Variants in FOXN3 observed in about 807,000 individuals in gnomAD.
The protein encoded by FOXN3 is forkhead box N3.
In FOXN3, 7 loss-of-function variants were observed where a neutral mutation model predicts 38.4. That is an observed-to-expected ratio of 0.18 (90% CI 0.10 to 0.34). FOXN3 has a LOEUF of 0.34. Ranked by LOEUF, FOXN3 falls within the 10% of genes least tolerant of loss-of-function variation. The pLI is 1.00. For synonymous variants in FOXN3, 230 were observed against 242.2 expected, an observed-to-expected ratio of 0.95 and a Z score of 0.47; for missense variants, 456 against 613.4, an observed-to-expected ratio of 0.74 and a Z score of 2.71.
intron 1 of FOXN3, among the ~76,000 whole-genome samples, chr14:89,524,371 C>CAAAAAAAAAAAAAAAAAAAAAAAA (rs1301922423): frequency 3.0e-4 from 2 of 6,570 alleles, no homozygotes; most frequent in Non-Finnish European, 3.6e-4. Context: ...GACTCCATCT[C>CAAAAAAAAAAAAAAAAAAAAAAAA]AAAAAAAAAA....
At chr14:89,591,726 G>A (rs918294205) in intron 1 of FOXN3, among the ~76,000 whole-genome samples, 7 of 152,204 alleles carry the variant, frequency 4.6e-5, no homozygotes, top group South Asian at 4.1e-4. Context: ...GGAGTTCAAC[G>A]CCGGCCTGGG....
intron 4 of FOXN3, among the ~76,000 whole-genome samples, chr14:89,222,458 A>C (rs1329001154): frequency 1.3e-5 from 2 of 152,228 alleles, no homozygotes; most frequent in Non-Finnish European, 2.9e-5. Flanking sequence ...AGGGCAGGGG[A>C]CGTAGACTAA....
chr14:89,427,466 CG>C (rs1892063852), intron 1 of FOXN3, among the ~76,000 whole-genome samples: 1 of 145,930 alleles, frequency 6.9e-6, no homozygotes, highest in Admixed American at 6.8e-5. Context: ...CCACTGCGCC[CG>C]GCTGATTTTT....
At chr14:89,557,430 G>A (rs947959252) in intron 1 of FOXN3, among the ~76,000 whole-genome samples, 4 of 152,068 alleles carry the variant, frequency 2.6e-5, no homozygotes, top group South Asian at 4.1e-4. Flanking sequence ...AGTTCAGCAC[G>A]ATCCTTGAAC....
chr14:89,213,113 G>C (rs983915551), intron 4 of FOXN3, among the ~76,000 whole-genome samples: 3 of 152,110 alleles, frequency 2.0e-5, no homozygotes, highest in African/African-American at 7.2e-5. Flanking sequence ...CCCAGGCACA[G>C]GGAAGTGTCA....
chr14:89,222,114 C>T (rs995962967), intron 4 of FOXN3, among the ~76,000 whole-genome samples: 16 of 152,258 alleles, frequency 1.1e-4, no homozygotes, highest in African/African-American at 3.9e-4. Flanking sequence ...CCGCGCCCGG[C>T]CTACACAATC....
intron 3 of FOXN3, among the ~76,000 whole-genome samples, chr14:89,323,857 T>C (rs1887967016): frequency 6.6e-6 from 1 of 152,076 alleles, no homozygotes; most frequent in African/African-American, 2.4e-5. Flanking sequence ...GGTGGTGAAG[T>C]GTAGATACTG....
chr14:89,340,233 G>A (rs1189230614), intron 3 of FOXN3, among the ~76,000 whole-genome samples: 2 of 152,140 alleles, frequency 1.3e-5, no homozygotes, highest in Admixed American at 6.5e-5. Flanking sequence ...AGGGAAGGGG[G>A]AAACTGATGT....
intron 2 of FOXN3, among the ~76,000 whole-genome samples, chr14:89,411,687 C>T (rs1891550218): frequency 6.6e-6 from 1 of 152,160 alleles, no homozygotes; most frequent in African/African-American, 2.4e-5. Flanking sequence ...CTGTAAACCA[C>T]TGTTTTATCT....
intron 4 of FOXN3, among the ~76,000 whole-genome samples, chr14:89,201,873 C>T (rs1405392743): frequency 6.6e-6 from 1 of 152,228 alleles, no homozygotes; most frequent in Non-Finnish European, 1.5e-5. Context: ...CCAACTTTCC[C>T]ACAGCTGTGG....
intron 2 of FOXN3, among the ~76,000 whole-genome samples, chr14:89,362,962 A>G: frequency 6.6e-6 from 1 of 152,162 alleles, no homozygotes; most frequent in African/African-American, 2.4e-5. Flanking sequence ...GGAGTTGGGC[A>G]GGGCCCTGTG....
At chr14:89,564,834 T>C (rs1213173409) in intron 1 of FOXN3, among the ~76,000 whole-genome samples, 2 of 152,070 alleles carry the variant, frequency 1.3e-5, no homozygotes, top group East Asian at 3.9e-4. Flanking sequence ...GGCTCATGCC[T>C]GTAATCCCAA....
rs143993859 is a variant in FOXN3 at position 89,295,486 on chromosome 14, C to A, written c.681-14472G>T. ...AGAACCTGGCCAGGTTCACAGCACA[C>A]GGAAGATGGTTGTCATTATTCTAAG... On this transcript the variant is annotated intron_variant, in intron 3 of 5. Transcript: ENST00000557258. Among the ~76,000 whole-genome samples, 157 of 152,278 alleles carry A rather than the reference C, an allele frequency of 1.0e-3. No homozygotes were observed. In the East Asian group the frequency reaches 0.011, roughly 10 times the overall value.
Position 89,412,346 on chromosome 14 carries a change from G to T in FOXN3, c.131C>A (p.Ser44Tyr). ...CTCTTCTAATCGGATGTCAGGCAGA[G>T]AAAAGTCGAGGTCATCGTCTTCCTG... Reference protein sequence around the residue: ...ALQEDDDLDFSLPDIRLEEGA... With the variant: ...ALQEDDDLDFYLPDIRLEEGA... Residue 44 changes from serine to tyrosine, a missense_variant, in exon 2 of 6, where the codon TCT (serine) becomes TAT (tyrosine). Coordinates refer to ENST00000557258, the MANE Select transcript of FOXN3 (RefSeq NM_005197.4). This position sits in a 1 kb window ranked among gnomAD's most constrained non-coding sequence, Gnocchi z 4.7. 1 of 1,614,166 alleles carries T rather than the reference G, an allele frequency of 6.2e-7. No individual in the cohort carries two copies. The highest frequency in any genetic ancestry group is 1.1e-5 in the South Asian group (1 of 91,084).
In FOXN3 at chr14:89,331,789, G is replaced by T. The variant is rs534046465; in HGVS notation, c.680+18883C>A. ...TAGCCTCCTCTGTGCAATGCACTCT[G>T]GTATTTCTTATTCTACTGTATTATT... On this transcript the variant is annotated intron_variant, in intron 3 of 5. Transcript: ENST00000557258. Among the ~76,000 whole-genome samples, 36 of 152,236 alleles carry T rather than the reference G, an allele frequency of 2.4e-4. 1 individual carries two copies. The South Asian group carries it at 7.5e-3, about 32-fold the overall frequency.
At chr14:89,352,484 A>C (rs1889015761) in intron 2 of FOXN3, among the ~76,000 whole-genome samples, 1 of 152,124 alleles carries the variant, frequency 6.6e-6, no homozygotes, top group African/African-American at 2.4e-5. Flanking sequence ...GGAAAACATA[A>C]AACAAACCAC....
intron 1 of FOXN3, among the ~76,000 whole-genome samples, chr14:89,581,028 A>C (rs1895728651): frequency 6.6e-6 from 1 of 151,864 alleles, no homozygotes. Flanking sequence ...ACAAAAAAAA[A>C]AAAATTAGCC....
intron 2 of FOXN3, among the ~76,000 whole-genome samples, chr14:89,396,880 C>CTTT (rs113510248): frequency 9.9e-5 from 14 of 140,726 alleles, no homozygotes; most frequent in African/African-American, 2.6e-4. Context: ...CTGCAGTAGA[C>CTTT]TTTTTTTTTT....
At chr14:89,207,934 T>C (rs1308147573) in intron 4 of FOXN3, among the ~76,000 whole-genome samples, 2 of 152,142 alleles carry the variant, frequency 1.3e-5, no homozygotes, top group African/African-American at 2.4e-5. Flanking sequence ...AACCTGGTGC[T>C]TAAACAGCGT....
Sources: allele counts gnomAD v4.1 joint callset (sites outside exome capture counted in the v4.1 genomes callset), GRCh38; gene constraint gnomAD v4.1.1; non-coding constraint Gnocchi (gnomAD v3.1); transcripts MANE v1.5; gene names NCBI Gene and HGNC (gene_info 2026-07-23, HGNC 2026-07-21).